The following DMRT1 variants were observed in gnomAD, a reference collection of about 807,000 sequenced individuals.
DMRT1 encodes the protein doublesex- and mab-3-related transcription factor 1.
In DMRT1, 7 loss-of-function variants were observed where a neutral mutation model predicts 32.3. The observed-to-expected ratio is 0.22, with a 90% CI of 0.12 to 0.41. DMRT1 has a LOEUF of 0.41. Among genes scored for constraint, DMRT1 ranks in the 10% least tolerant of loss-of-function variants. DMRT1 has a pLI of 1.00. For missense variants in DMRT1, 625 were observed against 500.5 expected, an observed-to-expected ratio of 1.25 and a Z score of -2.37; for synonymous variants, 278 against 206.1, an observed-to-expected ratio of 1.35 and a Z score of -2.99.
Position 968,177 on chromosome 9 carries a change from C to T in DMRT1, c.*38C>T, listed in dbSNP as rs1586676056. 5 of 1,610,998 alleles carry T rather than the reference C, an allele frequency of 3.1e-6. No homozygotes were observed. The highest frequency in any genetic ancestry group is 4.2e-6 in the Non-Finnish European group (5 of 1,178,502). The stretch of plus-strand genomic sequence containing the variant: ...GCCGATGGCGGTTCACTTGGAGTAA[C>T]AGGCTTATTCCACTTTCCATGGGGT... On this transcript the variant is annotated 3_prime_UTR_variant, in exon 5 of 5. Coordinates refer to ENST00000382276, the MANE Select transcript of DMRT1 (RefSeq NM_021951.3).
At chr9:850,810 C>G (rs1419889321) in intron 2 of DMRT1, among the ~76,000 whole-genome samples, 1 of 152,076 alleles carries the variant, frequency 6.6e-6, no homozygotes, top group Non-Finnish European at 1.5e-5. Context: ...AGGTGGATCA[C>G]CTGAGGTCAG....
chr9:940,264 A>G (rs1356889363), intron 4 of DMRT1, among the ~76,000 whole-genome samples: 1 of 152,192 alleles, frequency 6.6e-6, no homozygotes, highest in Non-Finnish European at 1.5e-5. Flanking sequence ...TTGTACACCA[A>G]ACCTCACAGC....
intron 2 of DMRT1, among the ~76,000 whole-genome samples, chr9:888,143 ATGAAT>A (rs1286237814): frequency 1.3e-5 from 2 of 152,216 alleles, no homozygotes; most frequent in Non-Finnish European, 2.9e-5. Context: ...ATTTGAATAG[ATGAAT>A]TAAGTTACTG....
At chr9:951,752 A>G (rs967479814) in intron 4 of DMRT1, among the ~76,000 whole-genome samples, 1 of 152,228 alleles carries the variant, frequency 6.6e-6, no homozygotes, top group African/African-American at 2.4e-5. Context: ...GGAGTGGACC[A>G]GGGGCCACAG....
chr9:962,388 C>T (rs1819802046), intron 4 of DMRT1, among the ~76,000 whole-genome samples: 2 of 152,118 alleles, frequency 1.3e-5, no homozygotes, highest in African/African-American at 4.8e-5. Context: ...GGAGGTACTT[C>T]AAAGGGTGCT....
At chr9:935,761 T>C (rs1383764885) in intron 4 of DMRT1, among the ~76,000 whole-genome samples, 1 of 152,196 alleles carries the variant, frequency 6.6e-6, no homozygotes, top group Non-Finnish European at 1.5e-5. Flanking sequence ...ATCAGAACTG[T>C]TTATATCCAT....
chr9:914,614 G>A (rs968258147), intron 3 of DMRT1, among the ~76,000 whole-genome samples: 4 of 143,288 alleles, frequency 2.8e-5, no homozygotes, highest in Non-Finnish European at 6.1e-5. Context: ...TGTAATGGTA[G>A]AAAGTGAAAA....
chr9:860,933 T>C (rs1418356122), intron 2 of DMRT1, among the ~76,000 whole-genome samples: 4 of 152,002 alleles, frequency 2.6e-5, no homozygotes, highest in African/African-American at 7.2e-5. Context: ...CATGGGCTCA[T>C]AGCAGAAGGG....
At position 968,021 on chromosome 9, in the gene DMRT1, T is replaced by G; in HGVS notation, c.1004T>G (p.Val335Gly). ...CCCAGCAGTCAAGATTCTGGCTTGG[T>G]TTCCCTCTCGAGCAGCTCTCCTATT... ...SPPSSQDSGLVSLSSSSPISN... is the reference protein window; with the variant it reads ...SPPSSQDSGLGSLSSSSPISN... Residue 335 changes from valine (V) to glycine (G), a missense_variant, in exon 5 of 5, where the codon GTT becomes GGT. Val to Gly is a moderately radical substitution (Grantham distance 109). Around this residue, in one of 3 missense-constraint regions of DMRT1, gnomAD observed 416 missense variants for 321.6 expected, o/e 1.29. Transcript: ENST00000382276. 6.2e-7 allele frequency: 1 copy of G among 1,614,148 alleles called. No individual in the cohort carries two copies. Among genetic ancestry groups the G allele is most frequent in the Admixed American group, 1.7e-5 (1 of 60,024 alleles).
chr9:956,611 TACAG>T (rs1342047445), intron 4 of DMRT1, among the ~76,000 whole-genome samples: 7 of 150,210 alleles, frequency 4.7e-5, no homozygotes, highest in Non-Finnish European at 8.9e-5. Context: ...TAAAAGGCCA[TACAG>T]ACAATTTTTA....
chr9:920,276 G>A (rs549433320), intron 4 of DMRT1, among the ~76,000 whole-genome samples: 1 of 152,172 alleles, frequency 6.6e-6, no homozygotes, highest in Non-Finnish European at 1.5e-5. Context: ...GACTGAGCCT[G>A]CGTGTCTCCA....
rs573878580 is a variant in DMRT1 at position 916,947 on chromosome 9, G to C, written c.967+40G>C. On this transcript the variant is annotated intron_variant, in intron 4 of 4. Transcript: ENST00000382276. ...ACACAGACTGGATTTGGGGTTGAGA[G>C]AGGATGGCTATCCAGTATTGGGTCA... 26 of 1,612,668 alleles carry C rather than the reference G, an allele frequency of 1.6e-5. No homozygotes were observed. The South Asian group carries it at 2.5e-4, about 16-fold the overall frequency.
intron 4 of DMRT1, among the ~76,000 whole-genome samples, chr9:918,469 A>G (rs1425649010): frequency 1.3e-5 from 2 of 151,250 alleles, no homozygotes; most frequent in East Asian, 4.0e-4. Context: ...AGCGGTAGGC[A>G]TTTGAATTTA....
chr9:889,287 A>G (rs1234214720), intron 2 of DMRT1, among the ~76,000 whole-genome samples: 1 of 152,254 alleles, frequency 6.6e-6, no homozygotes, highest in African/African-American at 2.4e-5. Context: ...GGTGGTTTAT[A>G]CACATAGTAC....
At position 916,994 on chromosome 9, in the gene DMRT1, G is replaced by C. The variant is rs1016055965; in HGVS notation, c.967+87G>C. 1.1e-4 allele frequency: 156 copies of C among 1,446,844 alleles called. 1 individual carries two copies. Among genetic ancestry groups the C allele is most frequent in the Middle Eastern group, 5.8e-4 (3 of 5,144 alleles). The allele number at this position is 1,446,844 out of a possible 1,614,324, so 89.6% of individuals were successfully genotyped here. A position where few individuals can be genotyped will look rare whatever the true frequency, so the allele number is the denominator to read the frequency against. On this transcript the variant is annotated intron_variant, in intron 4 of 4. Coordinates refer to ENST00000382276, the MANE Select transcript of DMRT1 (RefSeq NM_021951.3). ...GTCATTAGCTGTGTCTAATGGCTTA[G>C]CTGTTAGTAATTGTTGGAAATTTTA...
chr9:935,377 T>C (rs1230528298), intron 4 of DMRT1, among the ~76,000 whole-genome samples: 1 of 152,242 alleles, frequency 6.6e-6, no homozygotes, highest in Non-Finnish European at 1.5e-5. Context: ...TCTTAATGTT[T>C]ACAAAAGTGA....
At chr9:885,453 C>G (rs1225838387) in intron 2 of DMRT1, among the ~76,000 whole-genome samples, 2 of 152,266 alleles carry the variant, frequency 1.3e-5, no homozygotes, top group African/African-American at 2.4e-5. Context: ...GTCAGGCTGT[C>G]GAGCGGCCCG....
At chr9:940,154 A>G (rs771555621) in intron 4 of DMRT1, among the ~76,000 whole-genome samples, 1 of 152,106 alleles carries the variant, frequency 6.6e-6, no homozygotes, top group African/African-American at 2.4e-5. Flanking sequence ...CCAGTTTGGC[A>G]GTTCTGCAAA....
At chr9:909,132 G>A (rs528870421) in intron 3 of DMRT1, among the ~76,000 whole-genome samples, 11 of 152,262 alleles carry the variant, frequency 7.2e-5, no homozygotes, top group Admixed American at 5.9e-4. Context: ...AGCAAGGTGA[G>A]CGCAGGAGAG....
Sources: allele counts gnomAD v4.1 joint callset (sites outside exome capture counted in the v4.1 genomes callset), GRCh38; gene constraint gnomAD v4.1.1; regional missense constraint gnomAD v4.1.1; transcripts MANE v1.5; gene names NCBI Gene and HGNC (gene_info 2026-07-23, HGNC 2026-07-21).